Variants in ABCA12 observed in about 807,000 individuals in gnomAD.
The protein encoded by ABCA12 is glucosylceramide transporter ABCA12.
Under a neutral mutation model 293.5 loss-of-function variants are expected in ABCA12, and 156 were observed. The observed-to-expected ratio is 0.53, with a 90% CI of 0.47 to 0.61. The LOEUF (loss-of-function observed/expected upper bound fraction) is 0.61, where lower values mean the gene tolerates loss of function less well. Among genes scored for constraint, ABCA12 ranks in the 20% least tolerant of loss-of-function variants. The pLI is 0.00. For synonymous variants in ABCA12, 1,063 were observed against 1,108.0 expected (o/e 0.96, Z 0.81); for missense variants, 2,797 against 3,090.2 (o/e 0.91, Z 2.25).
chr2:215,027,066 C>A (rs144526981), intron 9 of ABCA12, 128 bp from the exon 10 acceptor site: 6 of 700,606 alleles, frequency 8.6e-6, no homozygotes, highest in East Asian at 2.8e-5. Context: ...TGCAGTTGGC[C>A]GGGCGCGGTG....
chr2:215,101,152 C>T (rs1197843073), intron 2 of ABCA12, among the ~76,000 whole-genome samples: 1 of 152,166 alleles, frequency 6.6e-6, no homozygotes, highest in Non-Finnish European at 1.5e-5. Context: ...GTGCTGGCAG[C>T]CACTGAAAGC....
At chr2:215,051,886 C>T (rs150006193) in intron 5 of ABCA12, among the ~76,000 whole-genome samples, 1 of 152,108 alleles carries the variant, frequency 6.6e-6, no homozygotes, top group East Asian at 1.9e-4. Flanking sequence ...TAAAGGCATT[C>T]ACATTCAATT....
chr2:214,935,635 A>G (rs947821095), intron 51 of ABCA12, among the ~76,000 whole-genome samples: 1 of 152,110 alleles, frequency 6.6e-6, no homozygotes, highest in Non-Finnish European at 1.5e-5. Context: ...TGTCTCTACA[A>G]AAAATCCAAA....
intron 8 of ABCA12, among the ~76,000 whole-genome samples, chr2:215,035,235 C>T (rs1309885955): frequency 1.3e-5 from 2 of 152,192 alleles, no homozygotes; most frequent in Non-Finnish European, 2.9e-5. Flanking sequence ...AATACATCTG[C>T]ATTGATATTC....
chr2:215,075,099 G>A (rs1701809754), intron 2 of ABCA12, among the ~76,000 whole-genome samples: 1 of 152,104 alleles, frequency 6.6e-6, no homozygotes, highest in South Asian at 2.1e-4. Context: ...ACCAATGCAT[G>A]GGAGCTTCAG....
At chr2:215,104,994 G>A (rs565160483) in intron 2 of ABCA12, among the ~76,000 whole-genome samples, 182 of 152,088 alleles carry the variant, frequency 1.2e-3, no homozygotes, top group Non-Finnish European at 1.8e-3. Context: ...GACTCACATT[G>A]AGTTTTTTTT....
chr2:214,975,755 CA>C, intron 34 of ABCA12, 29 bp downstream of exon 34: 1 of 1,613,868 alleles, frequency 6.2e-7, no homozygotes, highest in Non-Finnish European at 8.5e-7. Context: ...ATTTTGGAAA[CA>C]TTCTTTTAGT....
intron 49 of ABCA12, 128 bp from the exon 50 acceptor site, chr2:214,943,145 G>GTTATT: frequency 1.3e-6 from 1 of 757,668 alleles, no homozygotes; most frequent in Non-Finnish European, 2.2e-6. Context: ...TCTTTTCTTT[G>GTTATT]TTATTTTTTT....
intron 2 of ABCA12, among the ~76,000 whole-genome samples, chr2:215,105,203 C>T (rs76725830): frequency 0.013 from 1,910 of 152,182 alleles, 31 homozygotes; most frequent in African/African-American, 0.043. Flanking sequence ...AAGCAGCAAA[C>T]ACTTAAAGAC....
intron 2 of ABCA12, among the ~76,000 whole-genome samples, chr2:215,076,081 C>A (rs140442507): frequency 0.014 from 2,155 of 152,318 alleles, 30 homozygotes; most frequent in Non-Finnish European, 0.02. Flanking sequence ...TGTGTCACAA[C>A]CTTTTCTTTC....
At chr2:214,984,005 T>C (rs1699729335) in intron 28 of ABCA12, 140 bp from the exon 29 acceptor site, 2 of 668,444 alleles carry the variant, frequency 3.0e-6, no homozygotes, top group Admixed American at 2.8e-5. Flanking sequence ...AAAATGGTAT[T>C]TAATGGGAAT....
chr2:215,041,013 T>A (rs1384642222), intron 7 of ABCA12, among the ~76,000 whole-genome samples: 1 of 152,148 alleles, frequency 6.6e-6, no homozygotes, highest in East Asian at 1.9e-4. Flanking sequence ...GGCCTGTTTA[T>A]GTAAATAAAA....
chr2:214,987,103 A>G (rs1424891515), intron 27 of ABCA12, among the ~76,000 whole-genome samples: 1 of 152,210 alleles, frequency 6.6e-6, no homozygotes, highest in African/African-American at 2.4e-5. Flanking sequence ...GTGATTTTAG[A>G]GTGATAAGAC....
intron 1 of ABCA12, among the ~76,000 whole-genome samples, chr2:215,117,133 T>C (rs1702703451): frequency 6.6e-6 from 1 of 152,242 alleles, no homozygotes; most frequent in Non-Finnish European, 1.5e-5. Context: ...TGTGCTGTTC[T>C]TGCAACATTT....
At chr2:214,944,114 G>T (rs1171026661) in intron 49 of ABCA12, among the ~76,000 whole-genome samples, 1 of 152,048 alleles carries the variant, frequency 6.6e-6, no homozygotes, top group Non-Finnish European at 1.5e-5. Flanking sequence ...GAGAGATTTT[G>T]TGAAAAGACC....
In ABCA12 at chr2:215,071,688, G is replaced by A. The variant is rs1701741164; in HGVS notation, c.164-7469C>T. On this transcript the variant is annotated intron_variant, in intron 2 of 52. Transcript: ENST00000272895. ...GCACAGGGAAGATCAATTAGGCAAT[G>A]CTTGTGTAAGGTACTATAAGCATTG... is the stretch of plus-strand genomic sequence containing the variant. 2.0e-5 allele frequency among the ~76,000 whole-genome samples: 3 copies of A among 152,276 alleles called. 1 individual carries two copies. Among genetic ancestry groups the A allele is most frequent in the African/African-American group, 7.2e-5 (3 of 41,556 alleles).
intron 2 of ABCA12, among the ~76,000 whole-genome samples, chr2:215,075,110 T>C (rs2106087123): frequency 6.6e-6 from 1 of 152,140 alleles, no homozygotes; most frequent in South Asian, 2.1e-4. Context: ...GGAGCTTCAG[T>C]GAAAGTGATC....
chr2:215,050,696 G>A (rs2106055476), intron 5 of ABCA12: 2 of 743,858 alleles, frequency 2.7e-6, no homozygotes, highest in Non-Finnish European at 3.3e-6. Flanking sequence ...TAAAAGTAAT[G>A]GAACAAGACA....
intron 5 of ABCA12, 40 bp downstream of exon 5, chr2:215,052,447 G>T: frequency 6.5e-7 from 1 of 1,528,032 alleles, no homozygotes. Flanking sequence ...AAAGGCCTAT[G>T]TTGAATCACT....
Sources: gnomAD v4.1 joint callset for allele counts (sites outside exome capture counted in the v4.1 genomes callset) on GRCh38, gnomAD v4.1.1 for gene constraint, MANE v1.5 for transcripts, NCBI Gene and HGNC (gene_info 2026-07-23, HGNC 2026-07-21) for gene names.